The following PTPN7 variants were observed in gnomAD, a reference collection of about 807,000 sequenced individuals.
PTPN7 encodes tyrosine-protein phosphatase non-receptor type 7.
A neutral mutation model predicts 50.3 loss-of-function variants in PTPN7; 33 were observed. That is an observed-to-expected ratio of 0.66 (90% CI 0.50 to 0.88). The LOEUF is 0.88. Ranked by LOEUF, PTPN7 falls within the 40% of genes least tolerant of loss-of-function variation. The pLI is 0.00. For missense variants in PTPN7, 412 were observed against 475.4 expected (o/e 0.87, Z 1.24); for synonymous variants, 185 against 186.6 (o/e 0.99, Z 0.07).
At chr1:202,155,927 C>CTTAT (rs994455377) in intron 4 of PTPN7, among the ~76,000 whole-genome samples, 7 of 152,098 alleles carry the variant, frequency 4.6e-5, no homozygotes, top group African/African-American at 1.2e-4. Context: ...ACCTGGCTTG[C>CTTAT]TTATTTATTT....
chr1:202,160,667 C>T (rs758612041), upstream of PTPN7: 126 of 1,550,428 alleles, frequency 8.1e-5, no homozygotes, highest in Non-Finnish European at 1.1e-4. The surrounding 1 kb of genome is among the most constrained non-coding windows in gnomAD (Gnocchi z 4.8). Flanking sequence ...TTGCTGCCAC[C>T]CACGCACACC....
chr1:202,157,674 TC>T, intron 4 of PTPN7, 64 bp downstream of exon 4: 3 of 1,456,346 alleles, frequency 2.1e-6, no homozygotes, highest in Non-Finnish European at 2.9e-6. Flanking sequence ...GTGTACTTTG[TC>T]CTCTGAAGTT....
chr1:202,155,420 G>T, intron 5 of PTPN7, 113 bp downstream of exon 5: 1 of 1,040,314 alleles, frequency 9.6e-7, no homozygotes. Context: ...GTGAGCTGGA[G>T]CAGGGAGGGT....
chr1:202,154,863 C>T (rs1423080558), intron 5 of PTPN7, among the ~76,000 whole-genome samples: 3 of 152,224 alleles, frequency 2.0e-5, no homozygotes, highest in African/African-American at 7.2e-5. Context: ...TCCTCAGCTT[C>T]CTGCTTCTCA....
At position 202,150,869 on chromosome 1, in the gene PTPN7, C is replaced by T. The variant is rs376308115; in HGVS notation, c.876-445G>A. Among the ~76,000 whole-genome samples, 638 of 152,244 alleles carry T rather than the reference C, an allele frequency of 4.2e-3. 5 individuals carry two copies. The highest frequency in any genetic ancestry group is 0.015 in the African/African-American group (616 of 41,532). On this transcript the variant is annotated intron_variant, in intron 8 of 9. Coordinates refer to ENST00000691036, the MANE Select transcript of PTPN7 (RefSeq NM_002832.4). ...TGTTTCCCACCTTGGCGCCCTCCCA[C>T]AGTCTTCTCTCCACTCTGTTCTGCT... is the stretch of plus-strand genomic sequence containing the variant.
intron 4 of PTPN7, among the ~76,000 whole-genome samples, chr1:202,156,943 G>A (rs1219577675): frequency 5.9e-5 from 9 of 152,212 alleles, no homozygotes; most frequent in Admixed American, 3.9e-4. Flanking sequence ...CTCCCTCCCC[G>A]CCTCCACTGC....
chr1:202,157,961 G>C (rs1205120785), intron 3 of PTPN7, 138 bp from the exon 4 acceptor site: 2 of 1,228,236 alleles, frequency 1.6e-6, no homozygotes, highest in Non-Finnish European at 2.3e-6. Context: ...GGGGCAGAAG[G>C]GGAAGCCTGG....
Position 202,150,447 on chromosome 1 carries a change from C to G in PTPN7, c.876-23G>C, listed in dbSNP as rs377473037. On this transcript the variant is annotated intron_variant, in intron 8 of 9. Transcript: ENST00000691036. Reference sequence around the variant, plus strand: ...GCACTGGAGATAGCCAGGGAGGGGACAGGGAGGTCATGGGAGACCAGGGAA... The same window carrying G: ...GCACTGGAGATAGCCAGGGAGGGGAGAGGGAGGTCATGGGAGACCAGGGAA... The G allele has an allele frequency of 5.7e-6, 9 of 1,576,784 alleles. No individual in the cohort carries two copies. The African/African-American group carries it at 1.2e-4, about 21-fold the overall frequency.
chr1:202,156,439 G>A (rs1013108838), intron 4 of PTPN7, among the ~76,000 whole-genome samples: 5 of 152,154 alleles, frequency 3.3e-5, no homozygotes, highest in East Asian at 1.9e-4. Flanking sequence ...CTCAGATTCC[G>A]CTCAGCCACG....
Position 202,159,219 on chromosome 1 carries a change from G to A in PTPN7, c.122+62C>T. On this transcript the variant is annotated intron_variant, in intron 2 of 9. Transcript: ENST00000691036. This position sits in a 1 kb window ranked among gnomAD's most constrained non-coding sequence, Gnocchi z 4.6. ...TCAGAGCTGGAGGGGCAGATGGAAG[G>A]AAGGGAGGAGCGGAATGGGGGCTCA... 2 of 1,530,032 alleles carry A rather than the reference G, an allele frequency of 1.3e-6. No homozygotes were observed. The highest frequency in any genetic ancestry group is 9.0e-7 in the Non-Finnish European group (1 of 1,110,716). The allele number at this position is 1,530,032 out of a possible 1,614,324, so 94.8% of individuals were successfully genotyped here.
intron 4 of PTPN7, 109 bp from the exon 5 acceptor site, chr1:202,155,718 C>T (rs1460054945): frequency 3.2e-6 from 3 of 929,888 alleles, no homozygotes; most frequent in East Asian, 2.5e-5. Flanking sequence ...AGTCATAGCA[C>T]CTTGTGTATA....
chr1:202,157,941 A>T, intron 3 of PTPN7, 118 bp from the exon 4 acceptor site: 1 of 1,250,654 alleles, frequency 8.0e-7, no homozygotes, highest in Non-Finnish European at 1.1e-6. Context: ...ATGTAGGCCT[A>T]GATGGGGTGG....
At chr1:202,160,787 G>A, upstream of PTPN7, 1 of 1,546,766 alleles carries the variant, frequency 6.5e-7, no homozygotes, top group Non-Finnish European at 8.7e-7. This position sits in a 1 kb window ranked among gnomAD's most constrained non-coding sequence, Gnocchi z 4.8. Context: ...AATGGGTGAG[G>A]GGCCAGGCCT....
chr1:202,150,447 C>T (rs377473037), intron 8 of PTPN7, 23 bp from the exon 9 acceptor site: 7 of 1,576,902 alleles, frequency 4.4e-6, no homozygotes, highest in Non-Finnish European at 6.1e-6. Flanking sequence ...AGGGAGGGGA[C>T]AGGGAGGTCA....
Position 202,152,581 on chromosome 1 carries a change from T to G in PTPN7, c.836A>C (p.Glu279Ala), listed in dbSNP as rs1452585417. ...GATAGGCCCGGGGTGGGCGGCTGTC[T>G]CCGGGCTCTCCTCCACCTCTGCCAC... Reference protein sequence around the residue: ...RLVAEVEESPETAAHPGPIVV... With the variant: ...RLVAEVEESPATAAHPGPIVV... Residue 279 changes from glutamate to alanine, a missense_variant, in exon 8 of 10, where the codon GAG (glutamate) becomes GCG (alanine). By Grantham distance (107) the Glu-to-Ala change is moderately radical. Transcript: ENST00000691036. 6.2e-7 allele frequency: 1 copy of G among 1,613,698 alleles called. No individual in the cohort carries two copies. Among genetic ancestry groups the G allele is most frequent in the Admixed American group, 1.7e-5 (1 of 60,016 alleles).
chr1:202,160,744 G>C (rs1423968558), upstream of PTPN7: 2 of 1,550,668 alleles, frequency 1.3e-6, no homozygotes, highest in South Asian at 2.4e-5. The surrounding 1 kb of genome is among the most constrained non-coding windows in gnomAD (Gnocchi z 4.8). Context: ...TCCCGCCTGT[G>C]CCCTTCTGGG....
intron 7 of PTPN7, among the ~76,000 whole-genome samples, chr1:202,153,481 G>A (rs1256926023): frequency 1.3e-5 from 2 of 152,190 alleles, no homozygotes; most frequent in African/African-American, 4.8e-5. Flanking sequence ...GATCCTGCCT[G>A]TCCCCGCCTG....
upstream of PTPN7, chr1:202,161,096 G>A: frequency 7.5e-7 from 1 of 1,330,186 alleles, no homozygotes; most frequent in South Asian, 2.0e-5. Context: ...GCCAAGCACA[G>A]ACCACATCTT....
In PTPN7 at chr1:202,148,711, AACAC is replaced by A; in HGVS notation, c.990-16_990-13del. 6.2e-7 allele frequency: 1 copy of A among 1,612,336 alleles called. No homozygotes were observed. The highest frequency in any genetic ancestry group is 8.5e-7 in the Non-Finnish European group (1 of 1,178,818). Reference sequence around the variant, plus strand: ...GGATCATCCCCCCTCTGCAAGGAGAAACACACAGACCATGAGTGAAGGAGGGTCA... The same window carrying A: ...GGATCATCCCCCCTCTGCAAGGAGAAACAGACCATGAGTGAAGGAGGGTCA... On this transcript the variant is annotated splice_polypyrimidine_tract_variant and intron_variant, in intron 9 of 9. Transcript: ENST00000691036.
Sources: allele counts gnomAD v4.1 joint callset (sites outside exome capture counted in the v4.1 genomes callset), GRCh38; gene constraint gnomAD v4.1.1; non-coding constraint Gnocchi (gnomAD v3.1); transcripts MANE v1.5; gene names NCBI Gene and HGNC (gene_info 2026-07-23, HGNC 2026-07-21).